Variants in VPS37B observed in about 807,000 individuals in gnomAD.
The protein encoded by VPS37B is vacuolar protein sorting-associated protein 37B.
Under a neutral mutation model 21.2 loss-of-function variants are expected in VPS37B, and 11 were observed. The observed-to-expected ratio is 0.52, with a 90% CI of 0.33 to 0.86. The LOEUF is 0.86. VPS37B is among the 40% of genes least tolerant of loss of function. The pLI is 0.03. For missense variants in VPS37B, 389 were observed against 374.8 expected (o/e 1.04, Z -0.31); for synonymous variants, 175 against 159.6 (o/e 1.10, Z -0.73).
chr12:122,871,976 G>A (rs1023630956), intron 1 of VPS37B: 70 of 985,192 alleles, frequency 7.1e-5, no homozygotes, highest in African/African-American at 8.7e-5. Context: ...AACAGCATGC[G>A]ATTCCTTACC....
intron 1 of VPS37B, chr12:122,889,398 C>G (rs914705051): frequency 6.5e-6 from 1 of 152,796 alleles, no homozygotes; most frequent in Admixed American, 6.5e-5. Flanking sequence ...CCAAGCCAGC[C>G]CACGCTTTGC....
At chr12:122,892,286 T>C (rs2034424968) in intron 1 of VPS37B, among the ~76,000 whole-genome samples, 1 of 151,880 alleles carries the variant, frequency 6.6e-6, no homozygotes, top group Non-Finnish European at 1.5e-5. Context: ...GCCCAGAAAA[T>C]GAGGACCGTA....
Position 122,866,952 on chromosome 12 carries a change from G to A in VPS37B, c.*164C>T. The A allele has an allele frequency of 1.2e-6, 1 of 834,394 alleles. No individual in the cohort carries two copies. Among genetic ancestry groups the A allele is most frequent in the Non-Finnish European group, 1.7e-6 (1 of 592,156 alleles). The allele number at this position is 834,394 out of a possible 1,614,324, so 51.7% of individuals were successfully genotyped here. ...ACAACTGCCTTGATGCCCAAAGCCT[G>A]GGCTCCTACTACTCACCACTGACCT... On this transcript the variant is annotated 3_prime_UTR_variant, in exon 4 of 4. Coordinates refer to ENST00000267202, the MANE Select transcript of VPS37B (RefSeq NM_024667.3).
Position 122,870,910 on chromosome 12 carries a change from T to C in VPS37B, c.263A>G (p.Gln88Arg), listed in dbSNP as rs375929553. The C allele has an allele frequency of 6.1e-5, 99 of 1,613,982 alleles. No homozygotes were observed. The highest frequency in any genetic ancestry group is 7.8e-5 in the Non-Finnish European group (92 of 1,180,010). The change falls in exon 2 of 4, where the codon CAG (glutamine) becomes CGG (arginine). Residue 88 changes from glutamine (Q) to arginine (R), a missense_variant. Coordinates refer to ENST00000267202, the MANE Select transcript of VPS37B (RefSeq NM_024667.3). Reference sequence around the variant, plus strand: ...GTTACCTAATTTGGTCTTCTTTATCTGATAGGCTTCAAAGAGAACCTGGAG... The same window carrying C: ...GTTACCTAATTTGGTCTTCTTTATCCGATAGGCTTCAAAGAGAACCTGGAG... ...QELQVLFEAY[Q>R]IKKTKLDRQS...
intron 1 of VPS37B, among the ~76,000 whole-genome samples, chr12:122,892,403 A>G (rs1453234253): frequency 6.6e-6 from 1 of 152,194 alleles, no homozygotes; most frequent in African/African-American, 2.4e-5. Context: ...CTAACAGTGA[A>G]TGCCTTCAAA....
At chr12:122,874,534 G>A (rs2034109284) in intron 1 of VPS37B, 1 of 152,184 alleles carries the variant, frequency 6.6e-6, no homozygotes. Context: ...AGAACACAAG[G>A]AAAGCGTGGA....
chr12:122,867,029 C>T lies in VPS37B; in HGVS notation c.*87G>A. 1 of 1,425,532 alleles carries T rather than the reference C, an allele frequency of 7.0e-7. No homozygotes were observed. The highest frequency in any genetic ancestry group is 9.2e-7 in the Non-Finnish European group (1 of 1,087,212). 88.3% of individuals were successfully genotyped at this position (1,425,532 alleles called of 1,614,324 possible). The stretch of plus-strand genomic sequence containing the variant: ...TGGCCCAGGGCCCCAGAGCCCTTGG[C>T]ACAGAGCGGACCTCCAGCCTCCTTC... On this transcript the variant is annotated 3_prime_UTR_variant, in exon 4 of 4. Coordinates refer to ENST00000267202, the MANE Select transcript of VPS37B (RefSeq NM_024667.3). This position sits in a 1 kb window ranked among gnomAD's most constrained non-coding sequence, Gnocchi z 5.5.
chr12:122,867,277 C>T lies in VPS37B; in HGVS notation c.697G>A (p.Val233Met), dbSNP rs747748387. 3.1e-5 allele frequency: 47 copies of T among 1,532,712 alleles called. No homozygotes were observed. Among genetic ancestry groups the T allele is most frequent in the East Asian group, 7.2e-5 (3 of 41,676 alleles). 94.9% of individuals were successfully genotyped at this position (1,532,712 alleles called of 1,614,324 possible). ...FTAAMSSGQAVPYPGLQCPPL... is the reference protein window; with the variant it reads ...FTAAMSSGQAMPYPGLQCPPL... ...GGGCACTGTAATCCTGGGTACGGCA[C>T]GGCCTGTCCCGAACTCATGGCCGCA... The change falls in exon 4 of 4, where the codon GTG (valine) becomes ATG (methionine). Residue 233 changes from valine to methionine, a missense_variant. Transcript: ENST00000267202. The surrounding 1 kb of genome is among the most constrained non-coding windows in gnomAD (Gnocchi z 5.5).
At chr12:122,893,823 CAAAAAAAAAAAA>C (rs67994180) in intron 1 of VPS37B, among the ~76,000 whole-genome samples, 2 of 135,028 alleles carry the variant, frequency 1.5e-5, no homozygotes, top group African/African-American at 2.8e-5. Context: ...CACTTTTACT[CAAAAAAAAAAAA>C]AAAAAAAAAA....
At position 122,866,893 on chromosome 12, in the gene VPS37B, C is replaced by A; in HGVS notation, c.*223G>T. ...ATCACACGGATAATGCAAACCGATG[C>A]AACGCACAGGTGTCAGGCTGTAACC... is the stretch of plus-strand genomic sequence containing the variant. On this transcript the variant is annotated 3_prime_UTR_variant, in exon 4 of 4. Transcript: ENST00000267202. The A allele has an allele frequency of 2.1e-6, 1 of 465,904 alleles. No individual in the cohort carries two copies. Among genetic ancestry groups the A allele is most frequent in the Non-Finnish European group, 3.7e-6 (1 of 272,398 alleles). The allele number at this position is 465,904 out of a possible 1,614,324, so 28.9% of individuals were successfully genotyped here. A position where few individuals can be genotyped will look rare whatever the true frequency, so the allele number is the denominator to read the frequency against.
At chr12:122,893,059 C>CA (rs11429369) in intron 1 of VPS37B, among the ~76,000 whole-genome samples, 116,596 of 139,222 alleles carry the variant, frequency 0.84, 48,558 homozygotes, top group Middle Eastern at 0.91. Flanking sequence ...GATCCTTTCT[C>CA]AAAAAAAAAA....
chr12:122,872,320 TTTCAGCAGACAG>T, intron 1 of VPS37B: 2 of 985,374 alleles, frequency 2.0e-6, no homozygotes, highest in Non-Finnish European at 2.4e-6. Flanking sequence ...GGAGGGCTCT[TTTCAGCAGACAG>T]TGATCTGCAT....
chr12:122,894,396 T>C (rs572091268), intron 1 of VPS37B, among the ~76,000 whole-genome samples: 1 of 152,364 alleles, frequency 6.6e-6, no homozygotes, highest in East Asian at 1.9e-4. Context: ...CTTACTACAG[T>C]GGCCTCTCTG....
chr12:122,878,179 T>G (rs901151278), intron 1 of VPS37B: 2 of 151,732 alleles, frequency 1.3e-5, no homozygotes, highest in Non-Finnish European at 1.5e-5. Flanking sequence ...GCCAACATGG[T>G]GAAACCCCAT....
At chr12:122,888,794 A>G (rs76520293) in intron 1 of VPS37B, 35 of 317,260 alleles carry the variant, frequency 1.1e-4, no homozygotes, top group Admixed American at 2.5e-4. Flanking sequence ...GGCCTTTCAA[A>G]CTTTTATATT....
intron 1 of VPS37B, chr12:122,879,086 GT>G (rs1423729125): frequency 6.6e-6 from 1 of 152,296 alleles, no homozygotes; most frequent in African/African-American, 2.4e-5. Context: ...GCAAAGAAGA[GT>G]CCTCCCCTAG....
chr12:122,885,654 T>C (rs1294067863), intron 1 of VPS37B: 1 of 147,818 alleles, frequency 6.8e-6, no homozygotes, highest in Non-Finnish European at 1.5e-5. Context: ...TTTTCTATAA[T>C]AAACATGTAA....
chr12:122,871,800 G>A lies in VPS37B; in HGVS notation c.112-739C>T, dbSNP rs930292357. On this transcript the variant is annotated intron_variant, in intron 1 of 3. Transcript: ENST00000267202. ...TTAGGGGAGAACGACAGGAGTAGAA[G>A]GTCTGAGAAAAAAAGGCAAAACGCT... is the stretch of plus-strand genomic sequence containing the variant. 85 of 969,142 alleles carry A rather than the reference G, an allele frequency of 8.8e-5. No individual in the cohort carries two copies. In the African/African-American group the frequency reaches 1.3e-3, roughly 15 times the overall value. The allele number at this position is 969,142 out of a possible 1,614,324, so 60.0% of individuals were successfully genotyped here. A position where few individuals can be genotyped will look rare whatever the true frequency, so the allele number is the denominator to read the frequency against.
chr12:122,890,589 A>G (rs1198030725), intron 1 of VPS37B, among the ~76,000 whole-genome samples: 1 of 152,122 alleles, frequency 6.6e-6, no homozygotes, highest in African/African-American at 2.4e-5. Flanking sequence ...CGGCCTCCCA[A>G]AGTGCTAAGA....
Sources: allele counts gnomAD v4.1 joint callset (sites outside exome capture counted in the v4.1 genomes callset), GRCh38; gene constraint gnomAD v4.1.1; non-coding constraint Gnocchi (gnomAD v3.1); transcripts MANE v1.5; gene names NCBI Gene and HGNC (gene_info 2026-07-23, HGNC 2026-07-21).